Variants in TMOD3 observed in about 807,000 individuals in gnomAD.
TMOD3 encodes the protein tropomodulin 3.
A neutral mutation model predicts 39.2 loss-of-function variants in TMOD3; 20 were observed. The observed-to-expected ratio is 0.51, with a 90% confidence interval of 0.36 to 0.74. TMOD3 has a LOEUF of 0.74. Among genes scored for constraint, TMOD3 ranks in the 30% least tolerant of loss-of-function variants. The probability of loss-of-function intolerance (pLI) is 0.00; values close to 1 mark genes in which losing one functional copy is unlikely to be tolerated. For missense variants in TMOD3, 381 were observed against 412.8 expected (o/e 0.92, Z 0.67); for synonymous variants, 143 against 145.8 (o/e 0.98, Z 0.14).
chr15:51,835,073 T>C (rs1374755955), intron 1 of TMOD3: 1 of 152,202 alleles, frequency 6.6e-6, no homozygotes, highest in Non-Finnish European at 1.5e-5. Flanking sequence ...GAATTTGAAT[T>C]TTAAATGGCT....
chr15:51,873,063 T>C (rs2056483957), intron 3 of TMOD3, among the ~76,000 whole-genome samples: 1 of 152,216 alleles, frequency 6.6e-6, no homozygotes, highest in South Asian at 2.1e-4. Context: ...AAGCCACCTC[T>C]AATGTTCTGA....
At chr15:51,903,837 A>C (rs984199098) in intron 9 of TMOD3, among the ~76,000 whole-genome samples, 1 of 152,206 alleles carries the variant, frequency 6.6e-6, no homozygotes, top group Non-Finnish European at 1.5e-5. Flanking sequence ...TCTTCACCCC[A>C]AAAAGATGGT....
intron 1 of TMOD3, among the ~76,000 whole-genome samples, chr15:51,831,751 T>A (rs1348307099): frequency 6.6e-6 from 1 of 152,228 alleles, no homozygotes; most frequent in Non-Finnish European, 1.5e-5. Context: ...TCTTTGCTTT[T>A]TTTTTCTCTC....
At chr15:51,829,922 G>C (rs946001025) in intron 1 of TMOD3, 86 bp downstream of exon 1, 3 of 152,356 alleles carry the variant, frequency 2.0e-5, no homozygotes, top group Non-Finnish European at 2.9e-5. Context: ...AGGAGGGAGA[G>C]GTTGCTGCCC....
rs778139586 is a variant in TMOD3 at position 51,893,868 on chromosome 15, A to G, written c.550A>G (p.Thr184Ala). 92 of 1,610,908 alleles carry G rather than the reference A, an allele frequency of 5.7e-5. No individual in the cohort carries two copies. The highest frequency in any genetic ancestry group is 7.1e-5 in the Non-Finnish European group (84 of 1,178,176). Residue 184 changes from threonine (T) to alanine (A), a missense_variant, in exon 6 of 10, where the codon ACC becomes GCC. By Grantham distance (58) the Thr-to-Ala change is moderately conservative. Transcript: ENST00000308580. Reference protein sequence around the residue: ...LPVFDEPPNPTNVEESLKRTK... With the variant: ...LPVFDEPPNPANVEESLKRTK... ...GGTATTTGATGAGCCACCAAATCCAACCAATGTAGAAGAGAGTTTGAAGAG... is the reference window on the plus strand; with the variant it reads ...GGTATTTGATGAGCCACCAAATCCAGCCAATGTAGAAGAGAGTTTGAAGAG...
At chr15:51,871,202 A>G (rs956165769) in intron 3 of TMOD3, among the ~76,000 whole-genome samples, 4 of 152,206 alleles carry the variant, frequency 2.6e-5, no homozygotes, top group African/African-American at 4.8e-5. Flanking sequence ...GGGGCCAGAA[A>G]AAGAGTTCAA....
intron 2 of TMOD3, among the ~76,000 whole-genome samples, chr15:51,867,113 A>G (rs2056451056): frequency 6.6e-6 from 1 of 152,136 alleles, no homozygotes; most frequent in South Asian, 2.1e-4. Context: ...ACTGGAATGG[A>G]GAGGGTGTGT....
intron 1 of TMOD3, among the ~76,000 whole-genome samples, chr15:51,855,969 CTAG>C (rs1414335441): frequency 6.6e-6 from 1 of 152,068 alleles, no homozygotes; most frequent in African/African-American, 2.4e-5. Flanking sequence ...GGAAAGAATG[CTAG>C]TAGTGGCCAG....
At chr15:51,850,153 A>ATG (rs1567263040) in intron 1 of TMOD3, among the ~76,000 whole-genome samples, 1 of 152,132 alleles carries the variant, frequency 6.6e-6, no homozygotes, top group Non-Finnish European at 1.5e-5. Context: ...CTGGAGAGGG[A>ATG]TGTGAAGTAG....
At chr15:51,904,922 A>G (rs2056670494) in intron 9 of TMOD3, among the ~76,000 whole-genome samples, 1 of 152,192 alleles carries the variant, frequency 6.6e-6, no homozygotes, top group African/African-American at 2.4e-5. Context: ...AAGCGAGAGA[A>G]AGCAAGCAGC....
intron 1 of TMOD3, among the ~76,000 whole-genome samples, chr15:51,840,262 A>G (rs1199807647): frequency 2.6e-5 from 4 of 151,904 alleles, no homozygotes; most frequent in Admixed American, 1.3e-4. Flanking sequence ...TTAGTTTCCA[A>G]CTCTCTCAGT....
intron 5 of TMOD3, among the ~76,000 whole-genome samples, chr15:51,893,364 C>T (rs899192619): frequency 3.4e-5 from 5 of 147,644 alleles, no homozygotes; most frequent in African/African-American, 7.5e-5. Context: ...AGGATCTTTT[C>T]GGAATTGTGG....
rs111813783 is a variant in TMOD3, at chr15:51,839,163, C to CTTTTTTTTTTTTTT, written c.-75+9328_-75+9329insTTTTTTTTTTTTTT. On this transcript the variant is annotated intron_variant, in intron 1 of 9. Coordinates refer to ENST00000308580, the MANE Select transcript of TMOD3 (RefSeq NM_014547.5). ...TGACAGCTAAGAAATAGGTGTATCT[C>CTTTTTTTTTTTTTT]TCTTTTTTTTTTTTTCCATTTTGTT... Among the ~76,000 whole-genome samples, 183 of 109,716 alleles carry CTTTTTTTTTTTTTT rather than the reference C, an allele frequency of 1.7e-3. 18 individuals carry two copies. The highest frequency in any genetic ancestry group is 3.4e-3 in the Admixed American group (32 of 9,422). The allele number at this position is 109,716 out of a possible 152,430, so 72.0% of individuals were successfully genotyped here. A position where few individuals can be genotyped will look rare whatever the true frequency, so the allele number is the denominator to read the frequency against.
intron 1 of TMOD3, among the ~76,000 whole-genome samples, chr15:51,854,050 G>A (rs761232808): frequency 1.4e-4 from 21 of 152,148 alleles, no homozygotes; most frequent in Non-Finnish European, 2.8e-4. Flanking sequence ...CTATGTGATG[G>A]GGAGCAGTCC....
intron 9 of TMOD3, among the ~76,000 whole-genome samples, chr15:51,904,505 A>G (rs1291264731): frequency 1.3e-5 from 2 of 152,056 alleles, no homozygotes; most frequent in Non-Finnish European, 2.9e-5. Flanking sequence ...AGTATCCTCC[A>G]TTTTTCCTCT....
chr15:51,885,569 T>C (rs2056556786), intron 3 of TMOD3, among the ~76,000 whole-genome samples: 1 of 152,128 alleles, frequency 6.6e-6, no homozygotes, highest in Non-Finnish European at 1.5e-5. Flanking sequence ...TAACCCTGAG[T>C]GGACACAGCA....
intron 9 of TMOD3, chr15:51,907,088 A>G (rs2056685717): frequency 1.3e-5 from 2 of 151,378 alleles, no homozygotes; most frequent in South Asian, 2.1e-4. Flanking sequence ...TCAGAGATCT[A>G]TATACATGAT....
intron 3 of TMOD3, among the ~76,000 whole-genome samples, chr15:51,872,290 G>A (rs542039095): frequency 6.6e-6 from 1 of 152,216 alleles, no homozygotes; most frequent in Admixed American, 6.5e-5. Flanking sequence ...CTACTCAGGA[G>A]GCTGAGGTAG....
intron 1 of TMOD3, among the ~76,000 whole-genome samples, chr15:51,834,103 A>T (rs760317503): frequency 6.6e-6 from 1 of 152,162 alleles, no homozygotes; most frequent in Non-Finnish European, 1.5e-5. Flanking sequence ...TGTTTGTTCA[A>T]GTCTTACCTA....
Sources: gnomAD v4.1 joint callset for allele counts (sites outside exome capture counted in the v4.1 genomes callset) on GRCh38, gnomAD v4.1.1 for gene constraint, MANE v1.5 for transcripts, NCBI Gene and HGNC (gene_info 2026-07-23, HGNC 2026-07-21) for gene names.